MYO7B: variants seen among roughly 807,000 people sequenced by gnomAD.
MYO7B encodes the protein myosin VIIB, also known as unconventional myosin-VIIb.
In MYO7B, 212 loss-of-function variants were observed where a neutral mutation model predicts 259.7. That is an observed-to-expected ratio of 0.82 (90% CI 0.73 to 0.91). The LOEUF is 0.91. MYO7B is among the 40% of genes least tolerant of loss of function. The probability of loss-of-function intolerance (pLI) is 0.00; values close to 1 mark genes in which losing one functional copy is unlikely to be tolerated. For missense variants in MYO7B, 2,732 were observed against 2,813.5 expected, an observed-to-expected ratio of 0.97 and a Z score of 0.66; for synonymous variants, 1,197 against 1,166.4, an observed-to-expected ratio of 1.03 and a Z score of -0.54.
chr2:127,621,510 C>T (rs1680838605), intron 27 of MYO7B, among the ~76,000 whole-genome samples: 1 of 152,220 alleles, frequency 6.6e-6, no homozygotes, highest in Admixed American at 6.5e-5. Context: ...ATCCTCCGAC[C>T]TTGGCCTCCC....
chr2:127,562,807 G>A (rs1260515840), intron 2 of MYO7B, among the ~76,000 whole-genome samples: 2 of 151,972 alleles, frequency 1.3e-5, no homozygotes, highest in African/African-American at 4.8e-5. Context: ...TTTTTTAGTA[G>A]AGGCAGGGTT....
intron 18 of MYO7B, among the ~76,000 whole-genome samples, chr2:127,595,435 A>AT (rs1553452690): frequency 1.3e-5 from 2 of 151,898 alleles, no homozygotes; most frequent in Non-Finnish European, 2.9e-5. Flanking sequence ...GGATTCATTG[A>AT]TTTTTTGAAG....
chr2:127,579,937 A>C (rs4611601), intron 9 of MYO7B, among the ~76,000 whole-genome samples: 1 of 151,886 alleles, frequency 6.6e-6, no homozygotes, highest in African/African-American at 2.4e-5. Flanking sequence ...TAGGGACTCT[A>C]TGTAGGGAAT....
At position 127,577,634 on chromosome 2, in the gene MYO7B, G is replaced by A. The variant is rs1249282994; in HGVS notation, c.850-499G>A. 1.3e-5 allele frequency among the ~76,000 whole-genome samples: 2 copies of A among 152,070 alleles called. No individual in the cohort carries two copies. Among genetic ancestry groups the A allele is most frequent in the Non-Finnish European group, 1.5e-5 (1 of 68,006 alleles). ...TAAACTGCCCTCTGTCCTCAGAGGCGGTGGGGCCAGCTCTGCACCTCCTCC... is the reference window on the plus strand; with the variant it reads ...TAAACTGCCCTCTGTCCTCAGAGGCAGTGGGGCCAGCTCTGCACCTCCTCC... On this transcript the variant is annotated intron_variant, in intron 8 of 47. Transcript: ENST00000409816. This position sits in a 1 kb window ranked among gnomAD's most constrained non-coding sequence, Gnocchi z 5.2.
Position 127,574,063 on chromosome 2 carries a change from G to T in MYO7B, c.735+1G>T. On this transcript the variant is annotated splice_donor_variant, in intron 7 of 47. Coordinates refer to ENST00000409816, the MANE Select transcript of MYO7B (RefSeq NM_001393586.1). LOFTEE classifies it high-confidence loss of function. ...GGAGAAGTCCCGGGTCTGCCGGCAG[G>T]TGAGGCCTCCCCCTTCCCAGGTCGG... 2.5e-6 allele frequency: 4 copies of T among 1,613,918 alleles called. No individual in the cohort carries two copies. Among genetic ancestry groups the T allele is most frequent in the Non-Finnish European group, 1.7e-6 (2 of 1,179,878 alleles).
Position 127,635,706 on chromosome 2 carries a change from TG to T in MYO7B, c.5821-15del. On this transcript the variant is annotated splice_polypyrimidine_tract_variant and intron_variant, in intron 43 of 47. Coordinates refer to ENST00000409816, the MANE Select transcript of MYO7B (RefSeq NM_001393586.1). ...GCAGCTGGAGACCCAGCATGCCCAG[TG>T]TGTCCATCACCCAGGAGCTGCCCAA... 3 of 1,590,512 alleles carry T rather than the reference TG, an allele frequency of 1.9e-6. No individual in the cohort carries two copies. The highest frequency in any genetic ancestry group is 2.6e-6 in the Non-Finnish European group (3 of 1,168,424).
intron 2 of MYO7B, among the ~76,000 whole-genome samples, chr2:127,562,737 C>T (rs777935062): frequency 2.6e-4 from 39 of 152,164 alleles, no homozygotes; most frequent in South Asian, 2.1e-4. Context: ...CTGCCCGCCT[C>T]AGCCTCCCAA....
In MYO7B at chr2:127,609,894, C is replaced by G. The variant is rs1289664585; in HGVS notation, c.3070C>G (p.Leu1024Val). Reference sequence around the variant, plus strand: ...CGTCATCCTGAGGTTCATGGGTGATCTCCCAGAGCCAGTGCTGTATGCCAG... The same window carrying G: ...CGTCATCCTGAGGTTCATGGGTGATGTCCCAGAGCCAGTGCTGTATGCCAG... ...WNVILRFMGD[L>V]PEPVLYARSS... is the part of the protein sequence containing the mutation. Residue 1024 changes from leucine (L) to valine (V), a missense_variant, in exon 24 of 48, where the codon CTC (leucine) becomes GTC (valine). Leu to Val is a conservative substitution (Grantham distance 32). Coordinates refer to ENST00000409816, the MANE Select transcript of MYO7B (RefSeq NM_001393586.1). The surrounding 1 kb of genome is among the most constrained non-coding windows in gnomAD (Gnocchi z 6.9). 6.2e-7 allele frequency: 1 copy of G among 1,611,734 alleles called. No individual in the cohort carries two copies. Among genetic ancestry groups the G allele is most frequent in the Non-Finnish European group, 8.5e-7 (1 of 1,178,898 alleles).
At chr2:127,565,734 A>G (rs1447737645) in intron 4 of MYO7B, among the ~76,000 whole-genome samples, 1 of 152,210 alleles carries the variant, frequency 6.6e-6, no homozygotes, top group Non-Finnish European at 1.5e-5. Context: ...TGGCCTCCCA[A>G]GAGTGAGGCC....
chr2:127,570,105 C>T (rs1678532744), intron 6 of MYO7B, among the ~76,000 whole-genome samples, 195 bp downstream of exon 6: 1 of 152,046 alleles, frequency 6.6e-6, no homozygotes, highest in Admixed American at 6.6e-5. Context: ...AGACTGAGGA[C>T]TTAATAAACT....
chr2:127,623,771 G>A (rs1680964065), intron 29 of MYO7B, among the ~76,000 whole-genome samples: 1 of 152,138 alleles, frequency 6.6e-6, no homozygotes, highest in South Asian at 2.1e-4. Context: ...GCCCACATAG[G>A]CACCCCCAAT....
chr2:127,578,430 T>G, intron 9 of MYO7B, 144 bp downstream of exon 9: 98 of 1,045,528 alleles, frequency 9.4e-5, no homozygotes, highest in Non-Finnish European at 1.1e-4. Context: ...AATTCAGCTG[T>G]GATTTTGGAG....
chr2:127,536,036 G>A (rs1692760413), intron 1 of MYO7B, among the ~76,000 whole-genome samples: 2 of 152,290 alleles, frequency 1.3e-5, no homozygotes, highest in Middle Eastern at 6.8e-3. Flanking sequence ...CACCTGGGGG[G>A]CTGAGGAGGA....
Position 127,628,081 on chromosome 2 carries a change from G to A in MYO7B, c.4461-291G>A. 1.7e-6 allele frequency: 1 copy of A among 599,212 alleles called. No homozygotes were observed. Among genetic ancestry groups the A allele is most frequent in the East Asian group, 3.7e-5 (1 of 26,924 alleles). The allele number at this position is 599,212 out of a possible 1,614,324, so 37.1% of individuals were successfully genotyped here. A position where few individuals can be genotyped will look rare whatever the true frequency, so the allele number is the denominator to read the frequency against. ...AGAGCCGGCAGCTCATCTCAGCTCT[G>A]ACCTTTGCAGTGTCCCTGCGGTGTC... is the stretch of plus-strand genomic sequence containing the variant. On this transcript the variant is annotated intron_variant, in intron 33 of 47. Coordinates refer to ENST00000409816, the MANE Select transcript of MYO7B (RefSeq NM_001393586.1). The surrounding 1 kb of genome is among the most constrained non-coding windows in gnomAD (Gnocchi z 4.8).
intron 2 of MYO7B, among the ~76,000 whole-genome samples, chr2:127,562,874 G>A (rs1678165425): frequency 6.6e-6 from 1 of 152,176 alleles, no homozygotes; most frequent in South Asian, 2.1e-4. Flanking sequence ...CTCCCAAAGT[G>A]CTGGGATTAC....
intron 1 of MYO7B, among the ~76,000 whole-genome samples, chr2:127,545,188 C>T (rs1693174882): frequency 6.6e-6 from 1 of 152,212 alleles, no homozygotes; most frequent in Non-Finnish European, 1.5e-5. Flanking sequence ...TGAACTTTTA[C>T]AAGTATATTT....
Position 127,609,981 on chromosome 2 carries a change from G to A in MYO7B, c.3157G>A (p.Gly1053Ser), listed in dbSNP as rs199654311. 6.0e-4 allele frequency: 967 copies of A among 1,608,382 alleles called. 7 individuals carry two copies. The African/African-American group carries it at 0.011, about 18-fold the overall frequency. Residue 1053 changes from glycine to serine, a missense_variant, in exon 24 of 48, where the codon GGT (glycine) becomes AGT (serine). Gly to Ser is a moderately conservative substitution (Grantham distance 56). Around this residue, in one of 3 missense-constraint regions of MYO7B, gnomAD observed 1,906 missense variants for 2,026.4 expected, o/e 0.94. Transcript: ENST00000409816. The surrounding 1 kb of genome is among the most constrained non-coding windows in gnomAD (Gnocchi z 6.9). ...CCATGACACGCTGGGCAGGGAGCAC[G>A]GTGCCCAGGTTCCACAGCACAGTAG... ...QIHDTLGREH[G>S]AQVPQHSRSA...
intron 1 of MYO7B, among the ~76,000 whole-genome samples, chr2:127,552,356 A>G (rs1693476712): frequency 6.6e-6 from 1 of 152,150 alleles, no homozygotes; most frequent in Admixed American, 6.5e-5. Context: ...GGGCTGGTAG[A>G]CAGAGGAGAC....
rs985853421 is a variant in MYO7B, at chr2:127,585,935, G to A, written c.1690+1022G>A. Among the ~76,000 whole-genome samples, 7 of 152,164 alleles carry A rather than the reference G, an allele frequency of 4.6e-5. No homozygotes were observed. The highest frequency in any genetic ancestry group is 1.4e-4 in the African/African-American group (6 of 41,446). On this transcript the variant is annotated intron_variant, in intron 14 of 47. Transcript: ENST00000409816. This position sits in a 1 kb window ranked among gnomAD's most constrained non-coding sequence, Gnocchi z 4.3. ...TTCACTGGGTTGTCTTTTCATTGTC[G>A]AGTTGTAAGACTTCTTTATATATTC...
Sources: gnomAD v4.1 joint callset for allele counts (sites outside exome capture counted in the v4.1 genomes callset) on GRCh38, gnomAD v4.1.1 for gene constraint, gnomAD v4.1.1 regional missense constraint, Gnocchi (gnomAD v3.1) non-coding constraint, MANE v1.5 for transcripts, NCBI Gene and HGNC (gene_info 2026-07-23, HGNC 2026-07-21) for gene names.